The following LOC128092253 variants were observed in gnomAD, a reference collection of about 807,000 sequenced individuals.
the LOC128092253 span, among the ~76,000 whole-genome samples, chr6:133,970,637 C>G: frequency 1.1e-4 from 17 of 150,328 alleles, no homozygotes; most frequent in Admixed American, 1.1e-3. Context: ...GAGACAGGGT[C>G]TCACTCTGTC....
At chr6:133,971,120 C>T in the LOC128092253 span, among the ~76,000 whole-genome samples, 1 of 151,986 alleles carries the variant, frequency 6.6e-6, no homozygotes, top group Non-Finnish European at 1.5e-5. Context: ...CTGTTAATCG[C>T]TCTTCTTTCT....
chr6:133,973,262 A>G, the LOC128092253 span, among the ~76,000 whole-genome samples: 1 of 152,156 alleles, frequency 6.6e-6, no homozygotes, highest in Non-Finnish European at 1.5e-5. Flanking sequence ...GTGTTTGCAA[A>G]TCGGTCTATT....
the LOC128092253 span, among the ~76,000 whole-genome samples, chr6:133,961,281 A>G: frequency 8.4e-3 from 1,278 of 152,238 alleles, 38 homozygotes; most frequent in Admixed American, 0.062. Flanking sequence ...GCCAAGTTCT[A>G]AAGACACACA....
At chr6:133,953,788 C>T in the LOC128092253 span, among the ~76,000 whole-genome samples, 1 of 152,130 alleles carries the variant, frequency 6.6e-6, no homozygotes, top group Non-Finnish European at 1.5e-5. Flanking sequence ...GATTCCTCAT[C>T]TGTCTCGGAG....
At chr6:133,961,813 A>G in the LOC128092253 span, among the ~76,000 whole-genome samples, 1 of 152,158 alleles carries the variant, frequency 6.6e-6, no homozygotes, top group African/African-American at 2.4e-5. Flanking sequence ...TCCCTGGATC[A>G]TTGCTCCTGA....
chr6:133,971,956 C>T, the LOC128092253 span, among the ~76,000 whole-genome samples: 7 of 152,062 alleles, frequency 4.6e-5, no homozygotes, highest in African/African-American at 1.7e-4. Context: ...TCATCTTGAT[C>T]TAATAATCGT....
chr6:133,965,044 G>A, the LOC128092253 span, among the ~76,000 whole-genome samples: 1 of 152,156 alleles, frequency 6.6e-6, no homozygotes, highest in Non-Finnish European at 1.5e-5. Flanking sequence ...TGATCTTGAT[G>A]CATGCCAATT....
At chr6:133,960,493 A>T in the LOC128092253 span, among the ~76,000 whole-genome samples, 156 of 148,144 alleles carry the variant, frequency 1.1e-3, no homozygotes, top group African/African-American at 3.7e-3. Context: ...TGAAACTTCC[A>T]CTTCAGTGCG....
the LOC128092253 span, among the ~76,000 whole-genome samples, chr6:133,956,165 A>G: frequency 6.3e-3 from 959 of 152,334 alleles, 8 homozygotes; most frequent in Non-Finnish European, 0.011. Context: ...TTATTGCTAT[A>G]AAATATGAAC....
chr6:133,959,019 A>G, the LOC128092253 span, among the ~76,000 whole-genome samples: 1 of 151,998 alleles, frequency 6.6e-6, no homozygotes, highest in Non-Finnish European at 1.5e-5. Context: ...TTAGTTTTAG[A>G]TACCCTGAGG....
the LOC128092253 span, among the ~76,000 whole-genome samples, chr6:133,975,142 T>C: frequency 6.6e-6 from 1 of 152,168 alleles, no homozygotes; most frequent in Non-Finnish European, 1.5e-5. Flanking sequence ...ACTGATAGTT[T>C]GTTCTGAGAA....
the LOC128092253 span, among the ~76,000 whole-genome samples, chr6:133,954,256 A>G: frequency 1.3e-5 from 2 of 152,216 alleles, no homozygotes; most frequent in Non-Finnish European, 2.9e-5. Flanking sequence ...CAGTAAGTGC[A>G]TGAGCTTCTG....
At chr6:133,977,665 T>C in the LOC128092253 span, among the ~76,000 whole-genome samples, 1 of 152,216 alleles carries the variant, frequency 6.6e-6, no homozygotes, top group Non-Finnish European at 1.5e-5. Flanking sequence ...CAGTTAGGAT[T>C]AGGTTTGGCT....
the LOC128092253 span, among the ~76,000 whole-genome samples, chr6:133,979,141 T>C: frequency 3.7e-4 from 56 of 152,200 alleles, no homozygotes; most frequent in Non-Finnish European, 1.6e-4. Flanking sequence ...GTAGAGCTCC[T>C]CCTGTACACC....
At chr6:133,964,541 C>T in the LOC128092253 span, among the ~76,000 whole-genome samples, 96 of 150,974 alleles carry the variant, frequency 6.4e-4, no homozygotes, top group Non-Finnish European at 1.0e-3. Context: ...AGCTCCGTCT[C>T]CCGGGTTCAC....
At chr6:133,976,867 G>A in the LOC128092253 span, among the ~76,000 whole-genome samples, 1 of 151,492 alleles carries the variant, frequency 6.6e-6, no homozygotes, top group Non-Finnish European at 1.5e-5. Flanking sequence ...GGTGCCTGAG[G>A]CTGAAGCAGA....
the LOC128092253 span, among the ~76,000 whole-genome samples, chr6:133,969,859 A>G: frequency 8.3e-3 from 1,259 of 152,370 alleles, 35 homozygotes; most frequent in Admixed American, 0.061. Flanking sequence ...AACTAACAGA[A>G]TAATTCTAGA....
chr6:133,956,427 G>A, the LOC128092253 span, among the ~76,000 whole-genome samples: 4 of 152,150 alleles, frequency 2.6e-5, no homozygotes, highest in South Asian at 8.3e-4. Flanking sequence ...TGACATGTGT[G>A]TAATAAAACA....
the LOC128092253 span, among the ~76,000 whole-genome samples, chr6:133,974,004 C>A: frequency 3.5e-3 from 438 of 124,050 alleles, no homozygotes; most frequent in Middle Eastern, 9.3e-3. Context: ...CAGACTTTAC[C>A]AAAAAAAAAA....
Sources: gnomAD v4.1 joint callset for allele counts (sites outside exome capture counted in the v4.1 genomes callset) on GRCh38, gnomAD v4.1.1 for gene constraint, MANE v1.5 for transcripts.